Variants in DLC1 observed in about 807,000 individuals in gnomAD.
DLC1 encodes DLC1 Rho GTPase activating protein, also known as rho GTPase-activating protein 7.
In DLC1, 54 loss-of-function variants were observed where a neutral mutation model predicts 140.3. The ratio of observed to expected loss-of-function variants is 0.38; its 90% CI spans 0.31 to 0.48. The LOEUF (loss-of-function observed/expected upper bound fraction) is 0.48. Ranked by LOEUF, DLC1 falls within the 20% of genes least tolerant of loss-of-function variation. The pLI is 0.96. For missense variants in DLC1, 2,536 were observed against 1,907.0 expected (o/e 1.33, Z -6.14); for synonymous variants, 986 against 728.1 (o/e 1.35, Z -5.70).
intron 1 of DLC1, among the ~76,000 whole-genome samples, chr8:13,556,614 T>A (rs1330526132): frequency 5.3e-5 from 8 of 152,134 alleles, no homozygotes; most frequent in Non-Finnish European, 7.3e-5. Context: ...TGATGCTGCT[T>A]CTCAGGACAG....
chr8:13,567,093 T>G lies in DLC1; in HGVS notation c.-126+37444A>C, dbSNP rs149488225. 894 of 1,551,752 alleles carry G rather than the reference T, an allele frequency of 5.8e-4. 5 individuals carry two copies. In the African/African-American group the frequency reaches 9.9e-3, roughly 17 times the overall value. The stretch of plus-strand genomic sequence containing the variant: ...AGAACTCTACTGATGAGGTACAGAC[T>G]TCCAGCTCATTCAGCTCCTCTGGAG... On this transcript the variant is annotated intron_variant, in intron 1 of 1. Transcript: ENST00000631382.
intron 2 of DLC1, among the ~76,000 whole-genome samples, chr8:13,451,140 T>G (rs566919322): frequency 2.7e-5 from 4 of 149,960 alleles, no homozygotes; most frequent in African/African-American, 9.8e-5. Context: ...AGAGTAAATA[T>G]GTTTGAAAAA....
intron 3 of DLC1, among the ~76,000 whole-genome samples, chr8:13,394,391 T>C (rs997310300): frequency 2.0e-5 from 3 of 152,140 alleles, no homozygotes; most frequent in Non-Finnish European, 4.4e-5. Flanking sequence ...CAATAAATAT[T>C]GTTATTATTA....
At chr8:13,231,265 G>A (rs1353272790) in intron 5 of DLC1, among the ~76,000 whole-genome samples, 7 of 151,878 alleles carry the variant, frequency 4.6e-5, no homozygotes, top group Admixed American at 4.6e-4. Context: ...CTTAACTGAT[G>A]GAAACGATTG....
chr8:13,133,388 T>C, intron 5 of DLC1: 1 of 861,030 alleles, frequency 1.2e-6, no homozygotes, highest in Non-Finnish European at 1.4e-6. Flanking sequence ...GCTGTCTGGG[T>C]CGCAGGCCTT....
At chr8:13,508,367 G>A (rs1473346582) in intron 1 of DLC1, among the ~76,000 whole-genome samples, 2 of 151,960 alleles carry the variant, frequency 1.3e-5, no homozygotes, top group Non-Finnish European at 2.9e-5. Context: ...GGAGATCCCA[G>A]AATTAACAGA....
intron 5 of DLC1, among the ~76,000 whole-genome samples, chr8:13,298,685 A>T (rs1312038463): frequency 1.3e-5 from 2 of 152,178 alleles, no homozygotes; most frequent in East Asian, 1.9e-4. Flanking sequence ...TAAGTCATTA[A>T]AGAAGTGATA....
At chr8:13,475,751 A>G (rs1277902135) in intron 2 of DLC1, among the ~76,000 whole-genome samples, 1 of 152,182 alleles carries the variant, frequency 6.6e-6, no homozygotes, top group Non-Finnish European at 1.5e-5. Flanking sequence ...ACATGAGGCT[A>G]AAAGTGAGGC....
At chr8:13,223,863 A>T (rs1828668514) in intron 5 of DLC1, among the ~76,000 whole-genome samples, 1 of 152,220 alleles carries the variant, frequency 6.6e-6, no homozygotes, top group South Asian at 2.1e-4. Flanking sequence ...TTTCACTAAA[A>T]GGTGGAGAGT....
chr8:13,205,717 TG>T (rs1827628659), intron 5 of DLC1, among the ~76,000 whole-genome samples: 1 of 152,186 alleles, frequency 6.6e-6, no homozygotes, highest in Admixed American at 6.5e-5. Context: ...CCACAGGCCG[TG>T]GGTTGGACAA....
intron 2 of DLC1, among the ~76,000 whole-genome samples, chr8:13,442,464 G>A (rs1249006596): frequency 6.6e-6 from 1 of 151,530 alleles, no homozygotes; most frequent in Non-Finnish European, 1.5e-5. Flanking sequence ...ATCTGAAAAA[G>A]GGCTAATATC....
At chr8:13,249,782 A>G (rs1371661724) in intron 5 of DLC1, among the ~76,000 whole-genome samples, 2 of 152,062 alleles carry the variant, frequency 1.3e-5, no homozygotes, top group Non-Finnish European at 2.9e-5. Context: ...CATACCATAA[A>G]CCCATCCTTT....
upstream of DLC1, among the ~76,000 whole-genome samples, chr8:13,516,175 G>GGGT (rs138833866): frequency 1.8e-4 from 28 of 152,066 alleles, no homozygotes; most frequent in African/African-American, 6.3e-4. Flanking sequence ...TTTGGGGGGG[G>GGGT]ACTGATGATC....
intron 5 of DLC1, among the ~76,000 whole-genome samples, chr8:13,126,365 CCATA>C (rs1356959171): frequency 9.4e-6 from 1 of 106,530 alleles, no homozygotes; most frequent in Non-Finnish European, 1.8e-5. Flanking sequence ...ATCTCTCTAT[CCATA>C]CACACACACA....
chr8:13,264,636 G>A (rs534880087), intron 5 of DLC1, among the ~76,000 whole-genome samples: 1 of 152,104 alleles, frequency 6.6e-6, no homozygotes, highest in South Asian at 2.1e-4. Context: ...GCACACACGG[G>A]GCTGTAACAG....
Position 13,083,922 on chromosome 8 carries a change from CTTACT to C in DLC1, c.*1884_*1888del, listed in dbSNP as rs1217489898. On this transcript the variant is annotated 3_prime_UTR_variant, in exon 18 of 18. Coordinates refer to ENST00000276297, the MANE Select transcript of DLC1 (RefSeq NM_182643.3). ...TAAGGAAGGCAGCCCAGACTTTTCC[CTTACT>C]TTAAACATTTAATAATAGTGCACTT... 2 of 152,630 alleles carry C rather than the reference CTTACT, an allele frequency of 1.3e-5. No homozygotes were observed. Among genetic ancestry groups the C allele is most frequent in the Admixed American group, 6.5e-5 (1 of 15,280 alleles). 9.5% of individuals were successfully genotyped at this position (152,630 alleles called of 1,614,324 possible).
intron 4 of DLC1, among the ~76,000 whole-genome samples, chr8:13,385,047 G>A (rs756856561): frequency 1.3e-5 from 2 of 152,140 alleles, no homozygotes; most frequent in African/African-American, 2.4e-5. Context: ...AAGAGATAAA[G>A]CTCAGTCAGC....
At chr8:13,498,313 A>G (rs1447535879) in intron 2 of DLC1, among the ~76,000 whole-genome samples, 1 of 152,236 alleles carries the variant, frequency 6.6e-6, no homozygotes, top group Non-Finnish European at 1.5e-5. Context: ...TTGCTAAACC[A>G]TAATTCAGGT....
At chr8:13,217,242 A>G (rs539873760) in intron 5 of DLC1, among the ~76,000 whole-genome samples, 1 of 152,328 alleles carries the variant, frequency 6.6e-6, no homozygotes, top group Admixed American at 6.5e-5. Context: ...TAGAAATATA[A>G]TACAAGACAC....
Sources: gnomAD v4.1 joint callset for allele counts (sites outside exome capture counted in the v4.1 genomes callset) on GRCh38, gnomAD v4.1.1 for gene constraint, MANE v1.5 for transcripts, NCBI Gene and HGNC (gene_info 2026-07-23, HGNC 2026-07-21) for gene names.